Variants in SUPT20H observed in about 807,000 individuals in gnomAD.
SUPT20H encodes the protein SPT20 homolog, SAGA complex component, also known as transcription factor SPT20 homolog.
In SUPT20H, 82 loss-of-function variants were observed where a neutral mutation model predicts 122.8. That is an observed-to-expected ratio of 0.67 (90% CI 0.56 to 0.80). The LOEUF (loss-of-function observed/expected upper bound fraction) is 0.80. SUPT20H is among the 30% of genes least tolerant of loss of function. The pLI, the probability that SUPT20H is intolerant of heterozygous loss-of-function variation, is 0.00. For missense variants in SUPT20H, 831 were observed against 921.6 expected (o/e 0.90, Z 1.27); for synonymous variants, 291 against 313.0 (o/e 0.93, Z 0.74).
intron 21 of SUPT20H, among the ~76,000 whole-genome samples, chr13:37,021,102 T>C (rs2061404651): frequency 1.3e-5 from 2 of 152,220 alleles, no homozygotes; most frequent in African/African-American, 2.4e-5. Flanking sequence ...TTAACTGCGA[T>C]GCAGTTGCCT....
Position 37,045,234 on chromosome 13 carries a change from T to C in SUPT20H, c.292+13A>G, listed in dbSNP as rs766999425. On this transcript the variant is annotated intron_variant, in intron 6 of 25. Transcript: ENST00000350612. Reference sequence around the variant, plus strand: ...AAAGTATTTTGTGGCAGCTGTGCTCTAGAGGGTCTTACCTGATCCGTTTTT... The same window carrying C: ...AAAGTATTTTGTGGCAGCTGTGCTCCAGAGGGTCTTACCTGATCCGTTTTT... 1.9e-6 allele frequency: 3 copies of C among 1,612,046 alleles called. No individual in the cohort carries two copies. Among genetic ancestry groups the C allele is most frequent in the Non-Finnish European group, 1.7e-6 (2 of 1,179,330 alleles).
intron 15 of SUPT20H, 23 bp from the exon 16 acceptor site, chr13:37,026,259 A>AT (rs1279781043): frequency 6.8e-7 from 1 of 1,472,592 alleles, no homozygotes; most frequent in East Asian, 2.7e-5. Flanking sequence ...AGGAAAAAAA[A>AT]GGAGAGAAAA....
rs1346030596 is a variant in SUPT20H, at chr13:37,009,362, G to A, written c.*310C>T. 7 of 900,290 alleles carry A rather than the reference G, an allele frequency of 7.8e-6. No individual in the cohort carries two copies. Among genetic ancestry groups the A allele is most frequent in the South Asian group, 4.5e-5 (3 of 67,254 alleles). The allele number at this position is 900,290 out of a possible 1,614,324, so 55.8% of individuals were successfully genotyped here. On this transcript the variant is annotated 3_prime_UTR_variant, in exon 26 of 26. Coordinates refer to ENST00000350612, the MANE Select transcript of SUPT20H (RefSeq NM_001014286.3). Reference sequence around the variant, plus strand: ...GTATTTGTTAACACTGTGCACAAACGTTTTATACTAAATAAATATCAAACT... The same window carrying A: ...GTATTTGTTAACACTGTGCACAAACATTTTATACTAAATAAATATCAAACT...
rs117805868 is a variant in SUPT20H at position 37,020,866 on chromosome 13, T to C, written c.1816+582A>G. 6.6e-5 allele frequency among the ~76,000 whole-genome samples: 10 copies of C among 152,342 alleles called. 1 individual carries two copies. In the East Asian group the frequency reaches 1.9e-3, roughly 29 times the overall value. The stretch of plus-strand genomic sequence containing the variant: ...ACTGTTTTCCTGTATAGGTAATAAC[T>C]ACTCCTAAATAAAAGAATGCTTATC... On this transcript the variant is annotated intron_variant, in intron 21 of 25. Coordinates refer to ENST00000350612, the MANE Select transcript of SUPT20H (RefSeq NM_001014286.3).
chr13:37,028,429 A>G (rs2062705734), intron 13 of SUPT20H, 124 bp from the exon 14 acceptor site: 2 of 877,214 alleles, frequency 2.3e-6, no homozygotes, highest in Admixed American at 6.2e-5. Flanking sequence ...CACAGCACTT[A>G]GGCTACAAAG....
intron 24 of SUPT20H, among the ~76,000 whole-genome samples, chr13:37,011,263 A>G (rs528782653): frequency 7.9e-5 from 12 of 152,314 alleles, no homozygotes; most frequent in Admixed American, 7.8e-4. Context: ...GGCTAAGAAC[A>G]TTCTCATGAT....
intron 24 of SUPT20H, chr13:37,010,922 T>C (rs1038180898): frequency 3.6e-6 from 1 of 276,442 alleles, no homozygotes; most frequent in Non-Finnish European, 6.9e-6. Context: ...TGCATCTGTA[T>C]AAAATTTGAT....
chr13:37,039,697 T>C (rs1483698938), intron 9 of SUPT20H: 2 of 152,200 alleles, frequency 1.3e-5, no homozygotes, highest in African/African-American at 2.4e-5. Context: ...TGACTTCTTT[T>C]TGTTTCCTAA....
intron 23 of SUPT20H, among the ~76,000 whole-genome samples, chr13:37,016,229 G>A (rs2139233662): frequency 6.6e-6 from 1 of 152,040 alleles, no homozygotes. Context: ...AGGAGATCAA[G>A]ACTATCCTAA....
rs1285902227 is a variant in SUPT20H, at chr13:37,010,573, T to C, written c.2181A>G (p.Gln727=). ...QQRFQLSSAF[Q]QQQQQIQQLR... ...TTACTTGTATCTGTTGCTGCTGCTG[T>C]TGAAAGGCAGAGGAGAGCTGGAATC... Residue 727 remains glutamine (Q), a synonymous_variant, in exon 25 of 26, where the codon CAA becomes CAG. Transcript: ENST00000350612. 2.5e-6 allele frequency: 4 copies of C among 1,613,826 alleles called. No homozygotes were observed. The highest frequency in any genetic ancestry group is 1.1e-5 in the South Asian group (1 of 91,064).
At chr13:37,010,291 T>C (rs975050615) in intron 25 of SUPT20H, among the ~76,000 whole-genome samples, 3 of 152,236 alleles carry the variant, frequency 2.0e-5, no homozygotes, top group African/African-American at 7.2e-5. Context: ...TTTCAAAATA[T>C]ACTGCATACT....
intron 2 of SUPT20H, among the ~76,000 whole-genome samples, chr13:37,050,603 T>C (rs2067474331): frequency 1.3e-5 from 2 of 152,188 alleles, no homozygotes; most frequent in South Asian, 2.1e-4. Flanking sequence ...CAGCCAGTCA[T>C]CTCAAGTAAA....
At position 37,035,888 on chromosome 13, in the gene SUPT20H, C is replaced by T. The variant is rs562712453; in HGVS notation, c.568-2300G>A. On this transcript the variant is annotated intron_variant, in intron 9 of 25. Transcript: ENST00000350612. ...GCTGTGAACATTGTTGAAATGACAA[C>T]GTAATATTTATACTACTACATAAAC... Among the ~76,000 whole-genome samples the T allele has an allele frequency of 1.5e-4, 23 of 152,290 alleles. No individual in the cohort carries two copies. The East Asian group carries it at 3.1e-3, about 20-fold the overall frequency.
At chr13:37,032,866 G>C (rs2063637175) in intron 10 of SUPT20H, among the ~76,000 whole-genome samples, 1 of 152,110 alleles carries the variant, frequency 6.6e-6, no homozygotes, top group African/African-American at 2.4e-5. Context: ...ACAAAAGGTA[G>C]GTGTGCCTGG....
chr13:37,055,197 G>A (rs2068661095), intron 1 of SUPT20H, among the ~76,000 whole-genome samples: 1 of 152,142 alleles, frequency 6.6e-6, no homozygotes, highest in African/African-American at 2.4e-5. Context: ...ATTGCTCAAG[G>A]TAATTTATAG....
chr13:37,021,189 A>G (rs577351869), intron 21 of SUPT20H, among the ~76,000 whole-genome samples: 1 of 152,196 alleles, frequency 6.6e-6, no homozygotes, highest in Non-Finnish European at 1.5e-5. Flanking sequence ...GGCTACCAAA[A>G]TTAATTTTGT....
At position 37,031,776 on chromosome 13, in the gene SUPT20H, C is replaced by T; in HGVS notation, c.827G>A (p.Gly276Asp). 6 of 1,607,656 alleles carry T rather than the reference C, an allele frequency of 3.7e-6. No homozygotes were observed. The highest frequency in any genetic ancestry group is 5.1e-6 in the Non-Finnish European group (6 of 1,177,916). ...AGAAATTTTGAGGTCATAATGCTGA[C>T]CTGCTTTTCTTTCCTTTCTTTTTTG... is the stretch of plus-strand genomic sequence containing the variant. ...FLQKRKERKA[G>D]QHYDLKISKA... The change falls in exon 11 of 26, where the codon GGT becomes GAT. Residue 276 changes from glycine to aspartate, a missense_variant. By Grantham distance (94) the Gly-to-Asp change is moderately conservative. Transcript: ENST00000350612.
chr13:37,010,846 GA>G, intron 24 of SUPT20H, 191 bp from the exon 25 acceptor site: 1 of 485,230 alleles, frequency 2.1e-6, no homozygotes, highest in Non-Finnish European at 3.7e-6. Context: ...ACTGATAATG[GA>G]ACTTTCTGGA....
At chr13:37,036,938 T>C (rs774378402) in intron 9 of SUPT20H, among the ~76,000 whole-genome samples, 1 of 152,134 alleles carries the variant, frequency 6.6e-6, no homozygotes, top group East Asian at 1.9e-4. Flanking sequence ...CTCACATCTG[T>C]AATCCCAGTA....
Sources: allele counts gnomAD v4.1 joint callset (sites outside exome capture counted in the v4.1 genomes callset), GRCh38; gene constraint gnomAD v4.1.1; transcripts MANE v1.5; gene names NCBI Gene and HGNC (gene_info 2026-07-23, HGNC 2026-07-21).